Variants in DEFB124 observed in about 807,000 individuals in gnomAD.
DEFB124 encodes defensin beta 124.
For synonymous variants in DEFB124, 38 were observed against 36.5 expected, an observed-to-expected ratio of 1.04 and a Z score of -0.15; for missense variants, 78 against 83.1, an observed-to-expected ratio of 0.94 and a Z score of 0.24.
intron 2 of DEFB124, among the ~76,000 whole-genome samples, chr20:31,468,088 T>A (rs1480829209): frequency 1.3e-5 from 2 of 152,174 alleles, no homozygotes; most frequent in Non-Finnish European, 2.9e-5. Context: ...GCATTTGAAC[T>A]TCCCAATCAC....
At chr20:31,470,825 C>T (rs1980252588) in intron 2 of DEFB124, among the ~76,000 whole-genome samples, 1 of 134,278 alleles carries the variant, frequency 7.4e-6, no homozygotes, top group African/African-American at 2.8e-5. Context: ...GCTGGCCGGG[C>T]GGGGTGCTGA....
intron 2 of DEFB124, among the ~76,000 whole-genome samples, chr20:31,470,919 C>A (rs1980261656): frequency 7.1e-6 from 1 of 140,918 alleles, no homozygotes; most frequent in East Asian, 2.3e-4. Context: ...GGTGGCTGGC[C>A]CGGCAGAGGG....
chr20:31,468,609 G>A (rs1385729921), intron 2 of DEFB124, among the ~76,000 whole-genome samples: 3 of 151,816 alleles, frequency 2.0e-5, no homozygotes, highest in Middle Eastern at 3.4e-3. Flanking sequence ...CCGAGTAGCT[G>A]GGATTACAGG....
At chr20:31,468,231 C>G (rs1226008598) in intron 2 of DEFB124, among the ~76,000 whole-genome samples, 11 of 152,214 alleles carry the variant, frequency 7.2e-5, no homozygotes. Flanking sequence ...GCTGTTCAAA[C>G]CCATCCATCA....
chr20:31,473,636 C>A (rs1361766345), intron 1 of DEFB124, among the ~76,000 whole-genome samples: 1 of 152,178 alleles, frequency 6.6e-6, no homozygotes, highest in Non-Finnish European at 1.5e-5. Context: ...AACACCAGTT[C>A]TTTAGCCCTA....
chr20:31,472,283 A>G (rs1224034475), intron 2 of DEFB124, among the ~76,000 whole-genome samples: 1 of 152,214 alleles, frequency 6.6e-6, no homozygotes, highest in Non-Finnish European at 1.5e-5. Flanking sequence ...CGCGCCTGCA[A>G]TCGCAGGCAC....
At chr20:31,470,616 C>G (rs1384074156) in intron 2 of DEFB124, among the ~76,000 whole-genome samples, 1 of 134,294 alleles carries the variant, frequency 7.4e-6, no homozygotes, top group East Asian at 2.3e-4. Context: ...ACCCCCCCCC[C>G]CACCTCCCTC....
intron 2 of DEFB124, among the ~76,000 whole-genome samples, chr20:31,470,495 T>A (rs1359236112): frequency 1.1e-3 from 129 of 114,648 alleles, no homozygotes; most frequent in African/African-American, 4.1e-3. Flanking sequence ...CACTTCCCAG[T>A]AGGGGCGGCT....
intron 2 of DEFB124, among the ~76,000 whole-genome samples, chr20:31,466,196 C>CCA (rs1162958536): frequency 6.6e-6 from 1 of 152,070 alleles, no homozygotes; most frequent in Non-Finnish European, 1.5e-5. Flanking sequence ...CCAGGTAAAG[C>CCA]CACACACCAG....
chr20:31,472,774 G>GA, intron 2 of DEFB124, 182 bp downstream of exon 2: 1 of 516,034 alleles, frequency 1.9e-6, no homozygotes. Context: ...TATAGATTAG[G>GA]AAACTGAGGT....
In DEFB124 at chr20:31,465,655, C is replaced by T; in HGVS notation, c.67G>A (p.Glu23Lys). The T allele has an allele frequency of 6.2e-7, 1 of 1,613,572 alleles. No individual in the cohort carries two copies. The highest frequency in any genetic ancestry group is 2.2e-5 in the East Asian group (1 of 44,886). ...VLGHVPSGRSEFKRCWKGQGA... is the reference protein window; with the variant it reads ...VLGHVPSGRSKFKRCWKGQGA... Reference sequence around the variant, plus strand: ...TGACCCTTCCAGCACCGTTTGAATTCACTTCTCCCTAAACAGAGGAAAACC... The same window carrying T: ...TGACCCTTCCAGCACCGTTTGAATTTACTTCTCCCTAAACAGAGGAAAACC... Residue 23 changes from glutamate (E) to lysine (K), a missense_variant, in exon 3 of 3, where the codon GAA (glutamate) becomes AAA (lysine). Physicochemically the swap from Glu to Lys is moderately conservative, Grantham distance 56 (BLOSUM62 1). Coordinates refer to ENST00000317676, the MANE Select transcript of DEFB124 (RefSeq NM_001037500.2).
At chr20:31,468,778 G>T (rs978851776) in intron 2 of DEFB124, among the ~76,000 whole-genome samples, 1 of 151,760 alleles carries the variant, frequency 6.6e-6, no homozygotes, top group Non-Finnish European at 1.5e-5. Context: ...CCCGGCCAGG[G>T]TTCTTTATAC....
At chr20:31,470,885 GC>G (rs1980259700) in intron 2 of DEFB124, among the ~76,000 whole-genome samples, 1 of 72,612 alleles carries the variant, frequency 1.4e-5, no homozygotes, top group African/African-American at 5.3e-5. Context: ...GGGGGGCTGA[GC>G]CCCCCACCTC....
intron 2 of DEFB124, among the ~76,000 whole-genome samples, chr20:31,472,292 A>G (rs540870515): frequency 1.5e-4 from 23 of 152,334 alleles, no homozygotes; most frequent in Non-Finnish European, 2.6e-4. Flanking sequence ...AATCGCAGGC[A>G]CTGGGCAGGC....
At chr20:31,471,724 G>A (rs1213843531) in intron 2 of DEFB124, among the ~76,000 whole-genome samples, 9 of 150,524 alleles carry the variant, frequency 6.0e-5, no homozygotes, top group Non-Finnish European at 1.0e-4. Context: ...CCTCCCAGAC[G>A]GGGTCGCAGC....
At chr20:31,473,071 G>A in intron 1 of DEFB124, 33 bp from the exon 2 acceptor site, 2 of 1,593,544 alleles carry the variant, frequency 1.3e-6, no homozygotes, top group African/African-American at 1.3e-5. Flanking sequence ...GACCCGAGCA[G>A]GCTGAGCCTC....
intron 2 of DEFB124, among the ~76,000 whole-genome samples, chr20:31,471,879 C>T (rs1382287140): frequency 2.7e-5 from 4 of 148,040 alleles, no homozygotes; most frequent in Non-Finnish European, 4.5e-5. Flanking sequence ...ACTTCCTAGA[C>T]GGGATGGCGG....
rs1980376600 is a variant in DEFB124, at chr20:31,472,990, A to G, written c.24T>C (p.Leu8=). MTQLLLF[L]VALLVLGHVP... The stretch of plus-strand genomic sequence containing the variant: ...CATGACCCAGAACCAGGAGAGCCAC[A>G]AGGAACAGAAGCAGCTGTGTCATGG... Residue 8 remains leucine, a synonymous_variant, in exon 2 of 3, where the codon CTT becomes CTC. Transcript: ENST00000317676. 2 of 1,614,100 alleles carry G rather than the reference A, an allele frequency of 1.2e-6. No individual in the cohort carries two copies. The highest frequency in any genetic ancestry group is 1.1e-5 in the South Asian group (1 of 91,078).
At chr20:31,467,633 G>A (rs1980114867) in intron 2 of DEFB124, among the ~76,000 whole-genome samples, 1 of 152,156 alleles carries the variant, frequency 6.6e-6, no homozygotes, top group African/African-American at 2.4e-5. Context: ...CCCATTCTAG[G>A]TAAATCCTCT....
Sources: gnomAD v4.1 joint callset for allele counts (sites outside exome capture counted in the v4.1 genomes callset) on GRCh38, gnomAD v4.1.1 for gene constraint, MANE v1.5 for transcripts, NCBI Gene and HGNC (gene_info 2026-07-23, HGNC 2026-07-21) for gene names.